SDK1: variants seen among roughly 807,000 people sequenced by gnomAD.
SDK1 encodes sidekick cell adhesion molecule 1.
In SDK1, 157 loss-of-function variants were observed where a neutral mutation model predicts 245.5. The observed-to-expected ratio is 0.64, with a 90% CI of 0.56 to 0.73. The LOEUF (loss-of-function observed/expected upper bound fraction) is 0.73, where lower values mean the gene tolerates loss of function less well. Ranked by LOEUF, SDK1 falls within the 30% of genes least tolerant of loss-of-function variation. The pLI is 0.00. For missense variants in SDK1, 3,583 were observed against 3,002.3 expected, an observed-to-expected ratio of 1.19 and a Z score of -4.52; for synonymous variants, 1,647 against 1,278.5, an observed-to-expected ratio of 1.29 and a Z score of -6.15.
chr7:4,033,403 G>A (rs1787976179), intron 17 of SDK1, among the ~76,000 whole-genome samples: 1 of 152,120 alleles, frequency 6.6e-6, no homozygotes, highest in African/African-American at 2.4e-5. Context: ...TGGAAGTGGG[G>A]AAAACTTGTC....
In SDK1 at chr7:4,266,839, C is replaced by T. The variant is rs1788501349; in HGVS notation, c.*1455C>T. ...CCCTCACCAGCAGCAGCGTGACACA[C>T]ACAAGACTCAAGACCACCCTGTCAG... is the stretch of plus-strand genomic sequence containing the variant. On this transcript the variant is annotated 3_prime_UTR_variant, in exon 45 of 45. Coordinates refer to ENST00000404826, the MANE Select transcript of SDK1 (RefSeq NM_152744.4). 5 of 985,474 alleles carry T rather than the reference C, an allele frequency of 5.1e-6. No individual in the cohort carries two copies. The highest frequency in any genetic ancestry group is 4.8e-6 in the Non-Finnish European group (4 of 830,056). The allele number at this position is 985,474 out of a possible 1,614,324, so 61.0% of individuals were successfully genotyped here.
intron 1 of SDK1, among the ~76,000 whole-genome samples, chr7:3,342,869 A>G (rs1780385259): frequency 6.6e-6 from 1 of 152,164 alleles, no homozygotes; most frequent in African/African-American, 2.4e-5. Context: ...TGGACAAAAG[A>G]CATCAACAGA....
chr7:3,748,656 T>A lies in SDK1; in HGVS notation c.714-72794T>A, dbSNP rs552007086. On this transcript the variant is annotated intron_variant, in intron 4 of 44. Transcript: ENST00000404826. ...TTCTAATACATGTTCAGTTTCCTCA[T>A]GCTTCATGTATTGAACTGTAAAAAT... is the stretch of plus-strand genomic sequence containing the variant. 9.8e-5 allele frequency among the ~76,000 whole-genome samples: 15 copies of A among 152,346 alleles called. 1 individual carries two copies. Among genetic ancestry groups the A allele is most frequent in the African/African-American group, 2.9e-4 (12 of 41,582 alleles).
Position 3,664,573 on chromosome 7 carries a change from C to G in SDK1, c.713+22468C>G, listed in dbSNP as rs2012490. 5.7e-3 allele frequency among the ~76,000 whole-genome samples: 872 copies of G among 152,016 alleles called. 9 individuals are homozygous for G. The highest frequency in any genetic ancestry group is 0.019 in the African/African-American group (791 of 41,462). On this transcript the variant is annotated intron_variant, in intron 4 of 44. Transcript: ENST00000404826. Reference sequence around the variant, plus strand: ...GGCCAACATGGTGAAACCATGTCTTCTACTAAAAATACAAAAATTGGCCGG... The same window carrying G: ...GGCCAACATGGTGAAACCATGTCTTGTACTAAAAATACAAAAATTGGCCGG...
At chr7:3,838,643 G>A (rs1222321193) in intron 5 of SDK1, among the ~76,000 whole-genome samples, 2 of 152,124 alleles carry the variant, frequency 1.3e-5, no homozygotes, top group East Asian at 1.9e-4. Context: ...CTGATGGTCC[G>A]GTGTTGCCAG....
intron 4 of SDK1, among the ~76,000 whole-genome samples, chr7:3,783,152 A>G (rs1181632146): frequency 6.6e-6 from 1 of 152,258 alleles, no homozygotes; most frequent in Non-Finnish European, 1.5e-5. Flanking sequence ...CCGAAAAAGC[A>G]TTTGACAAAA....
chr7:3,465,364 A>G (rs1780966107), intron 1 of SDK1, among the ~76,000 whole-genome samples: 1 of 151,982 alleles, frequency 6.6e-6, no homozygotes, highest in Non-Finnish European at 1.5e-5. Context: ...AACCAAAAAT[A>G]AAAATGAGAA....
intron 1 of SDK1, among the ~76,000 whole-genome samples, chr7:3,335,559 A>C (rs1408966372): frequency 1.3e-5 from 2 of 152,132 alleles, no homozygotes; most frequent in African/African-American, 4.8e-5. Flanking sequence ...GGGACAGGGA[A>C]ATTATTCTAC....
At chr7:3,858,673 T>A (rs1780608400) in intron 5 of SDK1, among the ~76,000 whole-genome samples, 1 of 151,720 alleles carries the variant, frequency 6.6e-6, no homozygotes, top group African/African-American at 2.4e-5. Context: ...GAAGCACAAG[T>A]CCCAGTACAA....
chr7:4,206,194 A>G (rs1157055483), intron 36 of SDK1, among the ~76,000 whole-genome samples, 200 bp downstream of exon 36: 2 of 152,238 alleles, frequency 1.3e-5, no homozygotes, highest in African/African-American at 2.4e-5. Flanking sequence ...CACAGGGGCC[A>G]GGCTCACTGC....
chr7:4,029,323 G>T (rs1377091714), intron 17 of SDK1, among the ~76,000 whole-genome samples: 1 of 147,814 alleles, frequency 6.8e-6, no homozygotes, highest in Non-Finnish European at 1.5e-5. Context: ...CAATTCTTGT[G>T]CCTCAGCCTC....
chr7:3,534,438 T>C (rs1410451524), intron 1 of SDK1, among the ~76,000 whole-genome samples: 1 of 152,178 alleles, frequency 6.6e-6, no homozygotes, highest in African/African-American at 2.4e-5. Context: ...AATTATATTT[T>C]TAATTTTTTG....
chr7:3,832,694 G>A (rs1779941480), intron 5 of SDK1, among the ~76,000 whole-genome samples: 1 of 152,186 alleles, frequency 6.6e-6, no homozygotes, highest in South Asian at 2.1e-4. Flanking sequence ...AAATTTATCT[G>A]GAGATGTAGA....
chr7:4,022,334 T>G (rs1233046374), intron 17 of SDK1, among the ~76,000 whole-genome samples: 1 of 152,172 alleles, frequency 6.6e-6, no homozygotes, highest in Non-Finnish European at 1.5e-5. Flanking sequence ...CTTCAGTGAG[T>G]GGCAGCTTGA....
At chr7:3,316,709 C>G (rs971035875) in intron 1 of SDK1, among the ~76,000 whole-genome samples, 3 of 152,144 alleles carry the variant, frequency 2.0e-5, no homozygotes, top group African/African-American at 7.2e-5. Flanking sequence ...TCTCTTGGCC[C>G]TTTTTTATGG....
chr7:3,997,166 C>A (rs56174446), intron 14 of SDK1, among the ~76,000 whole-genome samples: 13,415 of 152,194 alleles, frequency 0.088, 655 homozygotes, highest in Middle Eastern at 0.13. Flanking sequence ...GTTACGGGAT[C>A]TTTGGAGTGT....
intron 5 of SDK1, among the ~76,000 whole-genome samples, chr7:3,873,261 C>T (rs1781000745): frequency 1.3e-5 from 2 of 152,052 alleles, no homozygotes; most frequent in South Asian, 4.1e-4. Context: ...TGATGTAATT[C>T]CACTGTTTTC....
At chr7:3,619,847 C>T (rs1418223313) in intron 2 of SDK1, among the ~76,000 whole-genome samples, 1 of 152,200 alleles carries the variant, frequency 6.6e-6, no homozygotes, top group Non-Finnish European at 1.5e-5. Flanking sequence ...GAACCTGTGG[C>T]AGAGCACAAG....
intron 1 of SDK1, among the ~76,000 whole-genome samples, chr7:3,314,973 C>G (rs149443327): frequency 9.9e-5 from 15 of 152,090 alleles, no homozygotes; most frequent in African/African-American, 1.7e-4. Flanking sequence ...CATTGGGAGT[C>G]CTAACCCACT....
Sources: allele counts gnomAD v4.1 joint callset (sites outside exome capture counted in the v4.1 genomes callset), GRCh38; gene constraint gnomAD v4.1.1; transcripts MANE v1.5; gene names NCBI Gene and HGNC (gene_info 2026-07-23, HGNC 2026-07-21).